The following ANKRD6 variants were observed in gnomAD, a reference collection of about 807,000 sequenced individuals.
ANKRD6 encodes ankyrin repeat domain-containing protein 6.
ANKRD6 carries 56 observed loss-of-function variants against 82.3 expected under a neutral mutation model. The ratio of observed to expected loss-of-function variants is 0.68; its 90% confidence interval spans 0.55 to 0.85. The LOEUF is 0.85. ANKRD6 is among the 40% of genes least tolerant of loss of function. The pLI is 0.00. For missense variants in ANKRD6, 852 were observed against 907.6 expected, an observed-to-expected ratio of 0.94 and a Z score of 0.79; for synonymous variants, 347 against 352.1, an observed-to-expected ratio of 0.99 and a Z score of 0.16.
At chr6:89,480,941 CAAA>C (rs372393432) in intron 1 of ANKRD6, among the ~76,000 whole-genome samples, 1 of 92,962 alleles carries the variant, frequency 1.1e-5, no homozygotes, top group Non-Finnish European at 2.0e-5. Flanking sequence ...GACCCTGTCT[CAAA>C]AAAAAAAAAA....
At chr6:89,447,929 C>T (rs1195729347) in intron 1 of ANKRD6, among the ~76,000 whole-genome samples, 1 of 151,330 alleles carries the variant, frequency 6.6e-6, no homozygotes, top group Non-Finnish European at 1.5e-5. Context: ...TCAAGTGATC[C>T]GCCTGCCTCG....
chr6:89,488,587 A>T (rs1180491087), intron 1 of ANKRD6, among the ~76,000 whole-genome samples: 1 of 152,244 alleles, frequency 6.6e-6, no homozygotes, highest in Admixed American at 6.5e-5. Context: ...AGATTTCTGA[A>T]AATACATTTT....
intron 1 of ANKRD6, among the ~76,000 whole-genome samples, chr6:89,436,339 G>A (rs1770633935): frequency 1.3e-5 from 2 of 152,150 alleles, no homozygotes; most frequent in African/African-American, 2.4e-5. Flanking sequence ...TTGCAAAGAT[G>A]TATTGTCTTG....
At chr6:89,554,011 T>TG (rs913073426) in intron 1 of ANKRD6, among the ~76,000 whole-genome samples, 5 of 151,954 alleles carry the variant, frequency 3.3e-5, no homozygotes, top group African/African-American at 9.7e-5. Context: ...GCCCTAAAGA[T>TG]GGGGGGGTGT....
chr6:89,619,001 C>G (rs1802315527), intron 9 of ANKRD6, among the ~76,000 whole-genome samples: 1 of 152,180 alleles, frequency 6.6e-6, no homozygotes, highest in Middle Eastern at 3.2e-3. Context: ...AACCCTGCTG[C>G]AAAATAACCC....
intron 1 of ANKRD6, among the ~76,000 whole-genome samples, chr6:89,434,257 A>G (rs1770343489): frequency 6.6e-6 from 1 of 152,192 alleles, no homozygotes; most frequent in African/African-American, 2.4e-5. Context: ...GTGTTCATGC[A>G]GTGAAGTGAT....
chr6:89,472,116 T>C (rs1317593337), intron 1 of ANKRD6, among the ~76,000 whole-genome samples: 1 of 152,090 alleles, frequency 6.6e-6, no homozygotes, highest in South Asian at 2.1e-4. Flanking sequence ...AATCCCTGCT[T>C]TCATCTTCTT....
At chr6:89,544,272 A>G (rs1218303130) in intron 1 of ANKRD6, among the ~76,000 whole-genome samples, 2 of 152,232 alleles carry the variant, frequency 1.3e-5, no homozygotes, top group African/African-American at 4.8e-5. Context: ...GAGCCATCCC[A>G]ATGTCCGCAG....
Position 89,603,074 on chromosome 6 carries a change from G to A in ANKRD6, c.265G>A (p.Glu89Lys), listed in dbSNP as rs1400377973. Residue 89 changes from glutamate (E) to lysine (K), a missense_variant, in exon 4 of 16, where the codon GAG becomes AAG. Glu to Lys is a moderately conservative substitution (Grantham distance 56, BLOSUM62 1). Transcript: ENST00000339746. The stretch of plus-strand genomic sequence containing the variant: ...CCGGGCCACAGTGGTGGGGAACACG[G>A]AGATCATCGCGGCGCTCATCCACGA... Reference protein sequence around the residue: ...LHRATVVGNTEIIAALIHEGC... With the variant: ...LHRATVVGNTKIIAALIHEGC... The A allele has an allele frequency of 6.2e-7, 1 of 1,609,324 alleles. No homozygotes were observed. Among genetic ancestry groups the A allele is most frequent in the Admixed American group, 1.7e-5 (1 of 59,478 alleles).
At chr6:89,466,118 G>A (rs1237327685) in intron 1 of ANKRD6, among the ~76,000 whole-genome samples, 2 of 151,790 alleles carry the variant, frequency 1.3e-5, no homozygotes, top group East Asian at 3.9e-4. Context: ...TTATAACTTT[G>A]TCCCCTAATA....
intron 15 of ANKRD6, 28 bp from the exon 16 acceptor site, chr6:89,630,404 TC>T: frequency 6.3e-7 from 1 of 1,588,560 alleles, no homozygotes; most frequent in East Asian, 2.2e-5. Context: ...GTGGATTTGC[TC>T]TCACGTTTGT....
At chr6:89,585,857 A>G (rs1793574958) in intron 2 of ANKRD6, among the ~76,000 whole-genome samples, 1 of 152,242 alleles carries the variant, frequency 6.6e-6, no homozygotes, top group Non-Finnish European at 1.5e-5. Context: ...GTGAGCCGAG[A>G]TTGTGCCACT....
chr6:89,434,242 G>C (rs1294595614), intron 1 of ANKRD6, among the ~76,000 whole-genome samples: 1 of 152,186 alleles, frequency 6.6e-6, no homozygotes, highest in Non-Finnish European at 1.5e-5. Context: ...TAACCTCGTA[G>C]TATTGTGTTC....
At chr6:89,444,137 C>A (rs138631119) in intron 1 of ANKRD6, among the ~76,000 whole-genome samples, 1 of 152,304 alleles carries the variant, frequency 6.6e-6, no homozygotes, top group East Asian at 1.9e-4. Flanking sequence ...GAGGAAGGAC[C>A]TAAGTCCAGG....
chr6:89,530,417 A>G (rs1320001038), intron 1 of ANKRD6, among the ~76,000 whole-genome samples: 1 of 152,190 alleles, frequency 6.6e-6, no homozygotes, highest in African/African-American at 2.4e-5. Flanking sequence ...GTGAAGCACA[A>G]CAGAGTGAAG....
intron 1 of ANKRD6, among the ~76,000 whole-genome samples, chr6:89,544,988 CAGATCACG>C (rs1784897809): frequency 6.6e-6 from 1 of 151,890 alleles, no homozygotes; most frequent in African/African-American, 2.4e-5. Flanking sequence ...CGGAGGCGGG[CAGATCACG>C]AGATCAGGAG....
intron 1 of ANKRD6, among the ~76,000 whole-genome samples, chr6:89,452,142 T>G (rs1030028620): frequency 2.0e-5 from 3 of 152,200 alleles, no homozygotes; most frequent in Non-Finnish European, 4.4e-5. Context: ...ATTGCATCAC[T>G]GCACTCCAAC....
chr6:89,591,319 A>G (rs751525341), intron 2 of ANKRD6, among the ~76,000 whole-genome samples: 1 of 152,090 alleles, frequency 6.6e-6, no homozygotes, highest in African/African-American at 2.4e-5. Context: ...TGCCCAGGCT[A>G]TAGAACTCCT....
intron 2 of ANKRD6, among the ~76,000 whole-genome samples, chr6:89,567,909 C>T (rs1027919598): frequency 5.9e-5 from 9 of 152,202 alleles, no homozygotes; most frequent in Admixed American, 5.9e-4. Context: ...CAGTCCTCCC[C>T]AGAAAGAGCT....
Sources: gnomAD v4.1 joint callset for allele counts (sites outside exome capture counted in the v4.1 genomes callset) on GRCh38, gnomAD v4.1.1 for gene constraint, MANE v1.5 for transcripts, NCBI Gene and HGNC (gene_info 2026-07-23, HGNC 2026-07-21) for gene names.